The following NALCN variants were observed in gnomAD, a reference collection of about 807,000 sequenced individuals.
The protein encoded by NALCN is sodium leak channel, non-selective, also known as sodium leak channel NALCN.
In NALCN, 111 loss-of-function variants were observed where a neutral mutation model predicts 225.3. The observed-to-expected ratio is 0.49, with a 90% CI of 0.42 to 0.58. The LOEUF (loss-of-function observed/expected upper bound fraction) is 0.58. Ranked by LOEUF, NALCN falls within the 20% of genes least tolerant of loss-of-function variation. The pLI is 0.00. For synonymous variants in NALCN, 764 were observed against 769.0 expected (o/e 0.99, Z 0.11); for missense variants, 1,378 against 2,202.4 (o/e 0.63, Z 7.49).
intron 11 of NALCN, among the ~76,000 whole-genome samples, chr13:101,240,987 G>C (rs2041737857): frequency 6.6e-6 from 1 of 152,090 alleles, no homozygotes; most frequent in Non-Finnish European, 1.5e-5. Context: ...ATCAGGTTTT[G>C]GCTAAGATTA....
chr13:101,284,006 T>A lies in NALCN; in HGVS notation c.1061A>T (p.Asp354Val). 2 of 1,613,374 alleles carry A rather than the reference T, an allele frequency of 1.2e-6. No homozygotes were observed. Among genetic ancestry groups the A allele is most frequent in the Non-Finnish European group, 1.7e-6 (2 of 1,179,754 alleles). The part of the protein sequence containing the change: ...STATTQMFHE[D>V]AAGGWQLVAV... The stretch of plus-strand genomic sequence containing the variant: ...TACCAGCTGCCAACCTCCAGCAGCA[T>A]CTTCATGAAACATCTTCAAGACAAA... The change falls in exon 10 of 44, where the codon GAT becomes GTT. Residue 354 changes from aspartate (D) to valine (V), a missense_variant. Transcript: ENST00000251127.
intron 22 of NALCN, 86 bp downstream of exon 22, chr13:101,107,401 T>C: frequency 6.3e-7 from 1 of 1,597,508 alleles, no homozygotes; most frequent in South Asian, 1.1e-5. Context: ...CCATTAGGAT[T>C]ACACGTTCCT....
At chr13:101,060,279 T>TTTTTTG (rs1555373039) in intron 41 of NALCN, among the ~76,000 whole-genome samples, 6 of 136,444 alleles carry the variant, frequency 4.4e-5, no homozygotes, top group African/African-American at 1.7e-4. Flanking sequence ...TTTTCTGTTT[T>TTTTTTG]TTTTTTTTTT....
chr13:101,088,437 A>G (rs943978702), intron 30 of NALCN, among the ~76,000 whole-genome samples: 1 of 152,212 alleles, frequency 6.6e-6, no homozygotes, highest in African/African-American at 2.4e-5. Context: ...CTTAATGCAG[A>G]GTGAAGGTTG....
chr13:101,264,325 A>G lies in NALCN; in HGVS notation c.1135-5751T>C, dbSNP rs367557575. 5.9e-5 allele frequency among the ~76,000 whole-genome samples: 9 copies of G among 152,204 alleles called. No homozygotes were observed. In the South Asian group the frequency reaches 1.7e-3, roughly 28 times the overall value. On this transcript the variant is annotated intron_variant, in intron 10 of 43. Transcript: ENST00000251127. ...TAATTGCAATGTCATTTTGGTTTACATTTTTTAAAAGCAGAGGAGTTTTGG... is the reference window on the plus strand; with the variant it reads ...TAATTGCAATGTCATTTTGGTTTACGTTTTTTAAAAGCAGAGGAGTTTTGG...
chr13:101,243,598 A>G (rs2041810602), intron 11 of NALCN, among the ~76,000 whole-genome samples: 1 of 106,058 alleles, frequency 9.4e-6, no homozygotes, highest in Non-Finnish European at 2.1e-5. Context: ...AAGCAGTGGC[A>G]AATGAGGGGT....
intron 13 of NALCN, among the ~76,000 whole-genome samples, chr13:101,205,736 T>C (rs1175010629): frequency 1.3e-5 from 2 of 152,138 alleles, no homozygotes; most frequent in East Asian, 1.9e-4. Flanking sequence ...TACATTTTTA[T>C]AAGTTAAATG....
chr13:101,328,881 G>C (rs2139225174), intron 7 of NALCN, among the ~76,000 whole-genome samples: 1 of 152,204 alleles, frequency 6.6e-6, no homozygotes, highest in East Asian at 1.9e-4. Context: ...TATCTGGATA[G>C]GACCATCCAC....
intron 11 of NALCN, among the ~76,000 whole-genome samples, chr13:101,246,590 T>C (rs1037642821): frequency 6.6e-6 from 1 of 152,226 alleles, no homozygotes; most frequent in Non-Finnish European, 1.5e-5. Flanking sequence ...ATTGTCATTA[T>C]TGTATTATAT....
intron 35 of NALCN, 52 bp from the exon 36 acceptor site, chr13:101,074,714 C>CAGAG: frequency 8.2e-7 from 1 of 1,223,998 alleles, no homozygotes; most frequent in African/African-American, 2.0e-5. Flanking sequence ...GAGAGAGAGA[C>CAGAG]AGAGACAGAG....
chr13:101,346,495 G>C (rs932093229), intron 6 of NALCN, among the ~76,000 whole-genome samples: 1 of 152,084 alleles, frequency 6.6e-6, no homozygotes, highest in African/African-American at 2.4e-5. Context: ...TTGTCCTTCT[G>C]AGTGTTGGAA....
intron 7 of NALCN, among the ~76,000 whole-genome samples, chr13:101,320,820 G>C (rs1418247523): frequency 1.3e-5 from 2 of 152,060 alleles, no homozygotes; most frequent in African/African-American, 2.4e-5. Flanking sequence ...TATAAAATCT[G>C]CTTCTCTTAC....
At chr13:101,143,357 A>G (rs902386619) in intron 16 of NALCN, 136 bp from the exon 17 acceptor site, 3 of 805,652 alleles carry the variant, frequency 3.7e-6, no homozygotes. Flanking sequence ...CATGACTAAA[A>G]TATTTCATTA....
intron 6 of NALCN, among the ~76,000 whole-genome samples, chr13:101,375,487 A>T (rs1379398278): frequency 1.3e-5 from 2 of 152,202 alleles, no homozygotes; most frequent in African/African-American, 4.8e-5. Context: ...ATGAAAAAGA[A>T]ATCCTCCAAC....
intron 15 of NALCN, among the ~76,000 whole-genome samples, chr13:101,163,001 A>T (rs894338883): frequency 1.3e-5 from 2 of 152,196 alleles, no homozygotes; most frequent in Non-Finnish European, 2.9e-5. Flanking sequence ...TCCTGGGTTC[A>T]AGTGATTCTC....
At chr13:101,308,972 G>A (rs76537253) in intron 7 of NALCN, among the ~76,000 whole-genome samples, 1,532 of 152,208 alleles carry the variant, frequency 0.01, 36 homozygotes, top group African/African-American at 0.034. Context: ...ACAATTTAAT[G>A]TCACATAAAG....
chr13:101,336,523 C>T (rs911216728), intron 7 of NALCN, among the ~76,000 whole-genome samples: 2 of 152,158 alleles, frequency 1.3e-5, no homozygotes, highest in Non-Finnish European at 2.9e-5. Flanking sequence ...AAAAGCAATT[C>T]ATGAAGATTA....
chr13:101,199,653 G>A (rs2040034274), intron 13 of NALCN, among the ~76,000 whole-genome samples: 1 of 106,480 alleles, frequency 9.4e-6, no homozygotes, highest in Non-Finnish European at 1.8e-5. Flanking sequence ...CTGTTGTGGG[G>A]TGGGGGGAGG....
intron 30 of NALCN, 144 bp from the exon 31 acceptor site, chr13:101,083,948 T>G (rs2033799176): frequency 4.5e-6 from 3 of 669,490 alleles, no homozygotes; most frequent in African/African-American, 3.6e-5. Context: ...GAGAGAAACA[T>G]GGTCAGAATG....
Sources: gnomAD v4.1 joint callset for allele counts (sites outside exome capture counted in the v4.1 genomes callset) on GRCh38, gnomAD v4.1.1 for gene constraint, MANE v1.5 for transcripts, NCBI Gene and HGNC (gene_info 2026-07-23, HGNC 2026-07-21) for gene names.